Variants in DPY19L2 observed in about 807,000 individuals in gnomAD.
DPY19L2 encodes dpy-19 like 2.
A neutral mutation model predicts 97.9 loss-of-function variants in DPY19L2; 34 were observed. The observed-to-expected ratio is 0.35, with a 90% CI of 0.26 to 0.46. DPY19L2 has a LOEUF of 0.46. Ranked by LOEUF, DPY19L2 falls within the 20% of genes least tolerant of loss-of-function variation. DPY19L2 has a pLI of 1.00. For synonymous variants in DPY19L2, 230 were observed against 307.9 expected (o/e 0.75, Z 2.65); for missense variants, 623 against 911.4 (o/e 0.68, Z 4.07).
rs1454235032 is a variant in DPY19L2 at position 63,665,877 on chromosome 12, A to C, written c.338-18T>G. On this transcript the variant is annotated intron_variant, in intron 1 of 21. Coordinates refer to ENST00000324472, the MANE Select transcript of DPY19L2 (RefSeq NM_173812.5). ...AAAGACAGCTGGAATAAAGAAAAAA[A>C]GGAAAGTCATTAATAGCTGCTTTAT... 6.3e-7 allele frequency: 1 copy of C among 1,580,194 alleles called. No homozygotes were observed. Among genetic ancestry groups the C allele is most frequent in the African/African-American group, 1.4e-5 (1 of 73,746 alleles).
At chr12:63,582,326 T>C in intron 18 of DPY19L2, 80 bp downstream of exon 18, 1 of 1,429,740 alleles carries the variant, frequency 7.0e-7, no homozygotes, top group Middle Eastern at 2.1e-4. Context: ...TATTTTGAAT[T>C]AGTCAGCAAA....
At chr12:63,653,730 G>T (rs1894589718) in intron 4 of DPY19L2, among the ~76,000 whole-genome samples, 1 of 151,912 alleles carries the variant, frequency 6.6e-6, no homozygotes, top group Non-Finnish European at 1.5e-5. Flanking sequence ...TTTGAACTTT[G>T]AACATTATAC....
At position 63,595,953 on chromosome 12, in the gene DPY19L2, T is replaced by G. The variant is rs975871368; in HGVS notation, c.1533+13A>C. ...TTGATGCCAAAAACAAATAATAATT[T>G]GTTTAAAAATACCTTTTTAAAGATA... is the stretch of plus-strand genomic sequence containing the variant. On this transcript the variant is annotated intron_variant, in intron 15 of 21. Transcript: ENST00000324472. The G allele has an allele frequency of 7.1e-6, 11 of 1,555,690 alleles. No individual in the cohort carries two copies. The highest frequency in any genetic ancestry group is 1.7e-4 in the Middle Eastern group (1 of 5,728).
intron 17 of DPY19L2, 56 bp downstream of exon 17, chr12:63,583,756 T>A: frequency 6.3e-7 from 1 of 1,577,032 alleles, no homozygotes; most frequent in African/African-American, 1.4e-5. Flanking sequence ...TTGTCAATTA[T>A]CCTCAAACTA....
intron 19 of DPY19L2, among the ~76,000 whole-genome samples, chr12:63,571,340 T>A (rs1878806724): frequency 6.6e-6 from 1 of 152,134 alleles, no homozygotes; most frequent in African/African-American, 2.4e-5. Flanking sequence ...CACAGCCAAG[T>A]TAAGTGACTT....
intron 21 of DPY19L2, among the ~76,000 whole-genome samples, chr12:63,564,482 T>G (rs1877254942): frequency 6.6e-6 from 1 of 152,180 alleles, no homozygotes; most frequent in African/African-American, 2.4e-5. Context: ...TGTTTCTTCT[T>G]GACCATGGAT....
intron 16 of DPY19L2, among the ~76,000 whole-genome samples, chr12:63,586,422 A>G (rs1441395426): frequency 6.6e-6 from 1 of 152,182 alleles, no homozygotes; most frequent in African/African-American, 2.4e-5. Context: ...ATAACAGATA[A>G]GACAACAATC....
At chr12:63,616,386 A>C (rs1887828053) in intron 11 of DPY19L2, among the ~76,000 whole-genome samples, 1 of 152,208 alleles carries the variant, frequency 6.6e-6, no homozygotes, top group African/African-American at 2.4e-5. Flanking sequence ...TGGGAGAGAA[A>C]GAGGAGGGAT....
chr12:63,624,263 T>G, intron 7 of DPY19L2, 132 bp from the exon 8 acceptor site: 1 of 671,302 alleles, frequency 1.5e-6, no homozygotes, highest in Non-Finnish European at 2.6e-6. Context: ...CTGGCATAGC[T>G]TCTCAGTTTT....
chr12:63,577,052 AACCAAAACATCATGGT>A (rs1218224762), intron 19 of DPY19L2, among the ~76,000 whole-genome samples: 1 of 152,118 alleles, frequency 6.6e-6, no homozygotes, highest in Non-Finnish European at 1.5e-5. Flanking sequence ...GAAGTATAGT[AACCAAAACATCATGGT>A]ACTGCCATAA....
chr12:63,626,544 A>AC lies in DPY19L2; in HGVS notation c.804-19_804-18insG, dbSNP rs1565791176. 2 of 1,565,124 alleles carry AC rather than the reference A, an allele frequency of 1.3e-6. No individual in the cohort carries two copies. Among genetic ancestry groups the AC allele is most frequent in the Non-Finnish European group, 1.7e-6 (2 of 1,162,698 alleles). ...GAGTCCCACTGTAAAAAAAAAACAA[A>AC]AAAAACAGAGAATACAATCAAAATT... On this transcript the variant is annotated intron_variant, in intron 6 of 21. Transcript: ENST00000324472.
intron 16 of DPY19L2, among the ~76,000 whole-genome samples, chr12:63,591,487 C>CTCAAAT (rs1882895709): frequency 6.6e-6 from 1 of 152,064 alleles, no homozygotes; most frequent in African/African-American, 2.4e-5. Flanking sequence ...CACTAAAAAA[C>CTCAAAT]ATGTCATTTG....
At chr12:63,597,104 G>A (rs559086923) in intron 14 of DPY19L2, among the ~76,000 whole-genome samples, 10 of 151,764 alleles carry the variant, frequency 6.6e-5, no homozygotes, top group African/African-American at 2.4e-4. Context: ...TCCTACTCAG[G>A]CTGGGACTAC....
At chr12:63,612,603 T>TAA (rs61376652) in intron 11 of DPY19L2, among the ~76,000 whole-genome samples, 74,779 of 133,476 alleles carry the variant, frequency 0.56, 20,921 homozygotes, top group East Asian at 0.68. Context: ...TTTATACCTT[T>TAA]AAAAAAAAAA....
At chr12:63,640,201 T>C (rs1343477056) in intron 6 of DPY19L2, among the ~76,000 whole-genome samples, 5 of 151,958 alleles carry the variant, frequency 3.3e-5, no homozygotes, top group African/African-American at 1.2e-4. Context: ...GGGCCTGTCA[T>C]GAGGTTGGGG....
rs755946400 is a variant in DPY19L2, at chr12:63,668,154, G to A, written c.240C>T (p.Gly80=). 21 of 1,613,908 alleles carry A rather than the reference G, an allele frequency of 1.3e-5. No individual in the cohort carries two copies. The East Asian group carries it at 4.7e-4, about 36-fold the overall frequency. ...LEVVAKTFLL[G]PFQFVRNSLA... ...GGGAATTACGGACGAACTGGAAGGGGCCGAGAAGAAAGGTCTTGGCCACCA... is the reference window on the plus strand; with the variant it reads ...GGGAATTACGGACGAACTGGAAGGGACCGAGAAGAAAGGTCTTGGCCACCA... The change falls in exon 1 of 22, where the codon GGC becomes GGT. Residue 80 remains glycine (G), a synonymous_variant. Transcript: ENST00000324472.
intron 3 of DPY19L2, among the ~76,000 whole-genome samples, chr12:63,663,183 G>A (rs535960327): frequency 6.6e-6 from 1 of 152,290 alleles, no homozygotes; most frequent in South Asian, 2.1e-4. Flanking sequence ...CTGGAAGATG[G>A]ACGGTTGTGG....
At chr12:63,668,001 G>A in intron 1 of DPY19L2, 56 bp downstream of exon 1, 1 of 1,555,428 alleles carries the variant, frequency 6.4e-7, no homozygotes, top group Non-Finnish European at 8.7e-7. Flanking sequence ...TCTCCTTCAA[G>A]ACTCAAGAAA....
chr12:63,596,362 C>G (rs957606122), intron 14 of DPY19L2, among the ~76,000 whole-genome samples: 5 of 151,960 alleles, frequency 3.3e-5, no homozygotes, highest in Non-Finnish European at 7.4e-5. Context: ...ATCCCTGGGT[C>G]CTACGTTGTA....
Sources: gnomAD v4.1 joint callset for allele counts (sites outside exome capture counted in the v4.1 genomes callset) on GRCh38, gnomAD v4.1.1 for gene constraint, MANE v1.5 for transcripts, NCBI Gene and HGNC (gene_info 2026-07-23, HGNC 2026-07-21) for gene names.